Variants in DCLK1 observed in about 807,000 individuals in gnomAD.
DCLK1 encodes doublecortin like kinase 1, also known as serine/threonine-protein kinase DCLK1.
DCLK1 carries 16 observed loss-of-function variants against 86.2 expected under a neutral mutation model. The observed-to-expected ratio is 0.19, with a 90% CI of 0.13 to 0.28. The LOEUF (loss-of-function observed/expected upper bound fraction) is 0.28, where lower values mean the gene tolerates loss of function less well. Among genes scored for constraint, DCLK1 ranks in the 10% least tolerant of loss-of-function variants. The pLI, the probability that DCLK1 is intolerant of heterozygous loss-of-function variation, is 1.00. For synonymous variants in DCLK1, 369 were observed against 370.5 expected, an observed-to-expected ratio of 1.00 and a Z score of 0.05; for missense variants, 590 against 940.2, an observed-to-expected ratio of 0.63 and a Z score of 4.87.
rs868760673 is a variant in DCLK1, at chr13:35,773,162, C to T, written c.*1373G>A. The stretch of plus-strand genomic sequence containing the variant: ...AAAATGGAATCTGTTCCAGAAGAAA[C>T]TCAGGCCTGGAGACACTGCACTAGG... On this transcript the variant is annotated 3_prime_UTR_variant, in exon 17 of 17. Coordinates refer to ENST00000360631, the MANE Select transcript of DCLK1 (RefSeq NM_001330071.2). The T allele has an allele frequency of 1.3e-5, 2 of 152,670 alleles. No homozygotes were observed. The highest frequency in any genetic ancestry group is 2.4e-5 in the African/African-American group (1 of 41,538). The allele number at this position is 152,670 out of a possible 1,614,324, so 9.5% of individuals were successfully genotyped here.
intron 2 of DCLK1, among the ~76,000 whole-genome samples, chr13:36,114,484 A>G (rs1885713874): frequency 6.6e-6 from 1 of 152,196 alleles, no homozygotes; most frequent in South Asian, 2.1e-4. Context: ...CTGCCACCAA[A>G]TCCAAGATCA....
chr13:35,827,501 C>T, intron 10 of DCLK1, 134 bp downstream of exon 10: 1 of 1,086,146 alleles, frequency 9.2e-7, no homozygotes, highest in Non-Finnish European at 1.3e-6. Flanking sequence ...CTCCTGTGAA[C>T]ATTCCTAATC....
intron 4 of DCLK1, among the ~76,000 whole-genome samples, chr13:35,879,525 A>C (rs1451231627): frequency 6.6e-6 from 1 of 152,138 alleles, no homozygotes; most frequent in Non-Finnish European, 1.5e-5. Flanking sequence ...ATCTTTTCCT[A>C]CATAACAGTG....
chr13:35,961,985 C>A (rs1198947239), intron 3 of DCLK1, among the ~76,000 whole-genome samples: 1 of 152,158 alleles, frequency 6.6e-6, no homozygotes, highest in African/African-American at 2.4e-5. Context: ...GCAATCAAGC[C>A]ATAAACTTCT....
chr13:35,996,326 G>A (rs9531324), intron 3 of DCLK1, among the ~76,000 whole-genome samples: 12,843 of 152,272 alleles, frequency 0.084, 776 homozygotes, highest in African/African-American at 0.16. Context: ...TGCTGGTATT[G>A]CAAACAGCAC....
intron 4 of DCLK1, among the ~76,000 whole-genome samples, chr13:35,920,746 G>C (rs1875750109): frequency 6.6e-6 from 1 of 152,064 alleles, no homozygotes; most frequent in Non-Finnish European, 1.5e-5. Context: ...GGTGCCGGGA[G>C]GAGGGACACC....
At chr13:35,890,387 G>A (rs530334520) in intron 4 of DCLK1, among the ~76,000 whole-genome samples, 181 of 152,148 alleles carry the variant, frequency 1.2e-3, no homozygotes, top group Admixed American at 5.2e-3. Context: ...ATCTATATTT[G>A]ACAATTTACA....
At chr13:35,899,974 T>C (rs9574848) in intron 4 of DCLK1, among the ~76,000 whole-genome samples, 9,125 of 152,250 alleles carry the variant, frequency 0.06, 317 homozygotes, top group South Asian at 0.13. Context: ...CAAATCTATG[T>C]ACAGCTTTCT....
chr13:35,933,821 T>C (rs1876597266), intron 4 of DCLK1, among the ~76,000 whole-genome samples: 1 of 152,226 alleles, frequency 6.6e-6, no homozygotes, highest in Non-Finnish European at 1.5e-5. Flanking sequence ...CCCATTGTCT[T>C]GGGAATGAAA....
intron 3 of DCLK1, among the ~76,000 whole-genome samples, chr13:36,038,749 C>T (rs1301626015): frequency 6.6e-6 from 1 of 152,164 alleles, no homozygotes; most frequent in African/African-American, 2.4e-5. Context: ...AAGTTACCTC[C>T]TTTAATACTA....
In DCLK1 at chr13:35,999,177, C is replaced by T. The variant is rs1028253116; in HGVS notation, c.724-51720G>A. Among the ~76,000 whole-genome samples, 4 of 152,150 alleles carry T rather than the reference C, an allele frequency of 2.6e-5. No individual in the cohort carries two copies. In the East Asian group the frequency reaches 7.7e-4, roughly 29 times the overall value. On this transcript the variant is annotated intron_variant, in intron 3 of 16. Transcript: ENST00000360631. ...GGCTGAGGCTGGAGAATCACTTGAA[C>T]CCAGGAGGCAGAGGTTGCAGTGAGC...
chr13:35,808,352 G>T lies in DCLK1; in HGVS notation c.1767-32C>A, dbSNP rs779129656. 3 of 1,565,966 alleles carry T rather than the reference G, an allele frequency of 1.9e-6. No homozygotes were observed. In the Admixed American group the frequency reaches 5.0e-5, roughly 26 times the overall value. On this transcript the variant is annotated intron_variant, in intron 13 of 16. Coordinates refer to ENST00000360631, the MANE Select transcript of DCLK1 (RefSeq NM_001330071.2). Reference sequence around the variant, plus strand: ...AGGTGAACGACAACAAGGAAAAACAGCACTAAGATATCAACTCAGTGTACA... The same window carrying T: ...AGGTGAACGACAACAAGGAAAAACATCACTAAGATATCAACTCAGTGTACA...
chr13:36,056,906 A>AAAAAATATAT (rs4054844), intron 3 of DCLK1, among the ~76,000 whole-genome samples: 1 of 130,158 alleles, frequency 7.7e-6, no homozygotes, highest in Admixed American at 8.6e-5. Flanking sequence ...AAAAAAAAAA[A>AAAAAATATAT]ATATATATAT....
At position 35,941,783 on chromosome 13, in the gene DCLK1, T is replaced by A. The variant is rs1449791937; in HGVS notation, c.823+5575A>T. Among the ~76,000 whole-genome samples the A allele has an allele frequency of 1.4e-4, 21 of 152,238 alleles. 1 individual carries two copies. Among genetic ancestry groups the A allele is most frequent in the Admixed American group, 1.2e-3 (18 of 15,282 alleles). ...AACACATTTTTAAATTTTAATGTTT[T>A]GTTTCAGTTCATATTTACCATCTTC... On this transcript the variant is annotated intron_variant, in intron 4 of 16. Transcript: ENST00000360631.
At chr13:35,928,878 T>C (rs1876269889) in intron 4 of DCLK1, among the ~76,000 whole-genome samples, 1 of 152,226 alleles carries the variant, frequency 6.6e-6, no homozygotes, top group African/African-American at 2.4e-5. Flanking sequence ...GGGAACCCCA[T>C]AGCATATGGT....
At chr13:35,901,387 G>A (rs1874347270) in intron 4 of DCLK1, among the ~76,000 whole-genome samples, 1 of 149,734 alleles carries the variant, frequency 6.7e-6, no homozygotes, top group Non-Finnish European at 1.5e-5. Flanking sequence ...TTACTTGGGA[G>A]GCAGAGACAG....
Position 35,839,183 on chromosome 13 carries a change from G to A in DCLK1, c.1036-7C>T. 2 of 1,571,438 alleles carry A rather than the reference G, an allele frequency of 1.3e-6. No individual in the cohort carries two copies. Among genetic ancestry groups the A allele is most frequent in the Non-Finnish European group, 1.7e-6 (2 of 1,157,608 alleles). On this transcript the variant is annotated splice_polypyrimidine_tract_variant and splice_region_variant and intron_variant, in intron 6 of 16. Coordinates refer to ENST00000360631, the MANE Select transcript of DCLK1 (RefSeq NM_001330071.2). The stretch of plus-strand genomic sequence containing the variant: ...AGCCGCCATGCTGAGAGCTCTGTAG[G>A]GGAACAGAAACCGGTAATTCAAAAA...
At chr13:35,972,816 G>A (rs1015990917) in intron 3 of DCLK1, among the ~76,000 whole-genome samples, 22 of 152,262 alleles carry the variant, frequency 1.4e-4, no homozygotes, top group Middle Eastern at 3.4e-3. Flanking sequence ...AGCACACCCT[G>A]TATCCTGTAT....
intron 3 of DCLK1, among the ~76,000 whole-genome samples, chr13:36,049,392 T>C (rs1323384483): frequency 6.6e-6 from 1 of 152,192 alleles, no homozygotes. Context: ...AGGAGACATT[T>C]AATGCACTGT....
Sources: gnomAD v4.1 joint callset for allele counts (sites outside exome capture counted in the v4.1 genomes callset) on GRCh38, gnomAD v4.1.1 for gene constraint, MANE v1.5 for transcripts, NCBI Gene and HGNC (gene_info 2026-07-23, HGNC 2026-07-21) for gene names.